The following KCNMA1 variants were observed in gnomAD, a reference collection of about 807,000 sequenced individuals.
The protein encoded by KCNMA1 is potassium calcium-activated channel subfamily M alpha 1.
In KCNMA1, 29 loss-of-function variants were observed where a neutral mutation model predicts 140.0. The ratio of observed to expected loss-of-function variants is 0.21; its 90% confidence interval spans 0.15 to 0.28. The LOEUF is 0.28. KCNMA1 is among the 10% of genes least tolerant of loss of function. The pLI, the probability that KCNMA1 is intolerant of heterozygous loss-of-function variation, is 1.00. For synonymous variants in KCNMA1, 612 were observed against 611.9 expected, an observed-to-expected ratio of 1.00 and a Z score of 0.00; for missense variants, 880 against 1,602.2, an observed-to-expected ratio of 0.55 and a Z score of 7.70.
intron 3 of KCNMA1, among the ~76,000 whole-genome samples, chr10:77,239,174 A>G (rs533102): frequency 1.3e-5 from 2 of 152,334 alleles, no homozygotes; most frequent in Non-Finnish European, 2.9e-5. Context: ...TACTCATGCT[A>G]TTATGAAGAG....
At chr10:76,982,967 G>A (rs928171059) in intron 19 of KCNMA1, among the ~76,000 whole-genome samples, 4 of 152,058 alleles carry the variant, frequency 2.6e-5, no homozygotes, top group Admixed American at 6.5e-5. Flanking sequence ...AAGGGGTCCC[G>A]TGAAACTCAC....
chr10:77,489,116 C>T (rs535936422), intron 1 of KCNMA1, among the ~76,000 whole-genome samples: 5 of 152,110 alleles, frequency 3.3e-5, no homozygotes, highest in East Asian at 1.9e-4. Context: ...GATCTCAGGG[C>T]GATGGGTAGA....
At chr10:76,909,915 A>G (rs780887652) in intron 25 of KCNMA1, 51 bp downstream of exon 25, 2 of 1,598,326 alleles carry the variant, frequency 1.3e-6, no homozygotes, top group Middle Eastern at 1.8e-4. Context: ...GAGGTGCTCT[A>G]TTGGCACATC....
intron 2 of KCNMA1, among the ~76,000 whole-genome samples, chr10:77,334,332 T>C (rs2087907747): frequency 6.6e-6 from 1 of 152,192 alleles, no homozygotes; most frequent in Non-Finnish European, 1.5e-5. Flanking sequence ...TGGAAGATGT[T>C]TTTGTTCTGT....
rs1369571781 is a variant in KCNMA1, at chr10:77,041,400, G to A, written c.1750-1763C>T. ...AGGATGGTCTCGATCTCCTGACCTC[G>A]TGATCCGCCCGCCTCGGCCTCCCAA... On this transcript the variant is annotated intron_variant, in intron 14 of 27. Transcript: ENST00000286628. Among the ~76,000 whole-genome samples, 4 of 5,258 alleles carry A rather than the reference G, an allele frequency of 7.6e-4. 2 individuals are homozygous for A. The highest frequency in any genetic ancestry group is 1.3e-3 in the Non-Finnish European group (4 of 2,992). 3.4% of individuals were successfully genotyped at this position (5,258 alleles called of 152,430 possible). A position where few individuals can be genotyped will look rare whatever the true frequency, so the allele number is the denominator to read the frequency against.
intron 1 of KCNMA1, among the ~76,000 whole-genome samples, chr10:77,461,863 T>A (rs963235940): frequency 2.6e-5 from 4 of 152,202 alleles, no homozygotes; most frequent in Non-Finnish European, 5.9e-5. Context: ...CCAGGGGACA[T>A]GTCCTGTTCA....
intron 3 of KCNMA1, among the ~76,000 whole-genome samples, chr10:77,224,464 C>T (rs1006819593): frequency 6.6e-6 from 1 of 152,218 alleles, no homozygotes; most frequent in Non-Finnish European, 1.5e-5. Context: ...AGTCTTTACA[C>T]TACAAGAAAG....
At chr10:77,555,771 A>C (rs1264172724) in intron 1 of KCNMA1, among the ~76,000 whole-genome samples, 1 of 152,134 alleles carries the variant, frequency 6.6e-6, no homozygotes, top group Non-Finnish European at 1.5e-5. Context: ...AGAGACCCAA[A>C]CTTAGCTCCT....
intron 5 of KCNMA1, among the ~76,000 whole-genome samples, chr10:77,142,811 C>T (rs997554506): frequency 1.3e-5 from 2 of 152,092 alleles, no homozygotes; most frequent in Non-Finnish European, 2.9e-5. Flanking sequence ...GTCTCCAAAA[C>T]TTGACACCCT....
At chr10:77,144,142 A>G (rs1467373963) in intron 5 of KCNMA1, among the ~76,000 whole-genome samples, 2 of 152,238 alleles carry the variant, frequency 1.3e-5, no homozygotes, top group Non-Finnish European at 1.5e-5. Context: ...AGCTTTATTC[A>G]AAATAAGCCA....
intron 1 of KCNMA1, among the ~76,000 whole-genome samples, chr10:77,562,562 C>G (rs1603636724): frequency 6.6e-6 from 1 of 152,134 alleles, no homozygotes; most frequent in Admixed American, 6.5e-5. Context: ...CTGTCCAGAT[C>G]TTTTTTTAAT....
intron 22 of KCNMA1, among the ~76,000 whole-genome samples, chr10:76,945,542 T>C (rs1281778343): frequency 6.6e-6 from 1 of 151,972 alleles, no homozygotes; most frequent in Non-Finnish European, 1.5e-5. Flanking sequence ...GCAAAAGAGA[T>C]ATGGAAAGGA....
chr10:76,932,326 A>G (rs921178710), intron 23 of KCNMA1, among the ~76,000 whole-genome samples: 15 of 152,236 alleles, frequency 9.9e-5, no homozygotes, highest in African/African-American at 3.4e-4. Flanking sequence ...TGGACAATAG[A>G]AAGTCCTGTA....
chr10:77,317,085 C>T (rs535731228), intron 2 of KCNMA1, among the ~76,000 whole-genome samples: 10 of 152,286 alleles, frequency 6.6e-5, no homozygotes, highest in Admixed American at 4.6e-4. Context: ...TATCACACAG[C>T]GTCACGTACC....
intron 1 of KCNMA1, among the ~76,000 whole-genome samples, chr10:77,487,850 A>G (rs2098479143): frequency 1.3e-5 from 2 of 152,176 alleles, no homozygotes. Context: ...TAAGAAATGC[A>G]AAGTTGTCCC....
chr10:77,426,002 C>CT (rs536056658), intron 1 of KCNMA1, among the ~76,000 whole-genome samples: 53 of 152,324 alleles, frequency 3.5e-4, no homozygotes, highest in Non-Finnish European at 7.1e-4. Context: ...CAAAGAGGGA[C>CT]TGTGTCGTCT....
chr10:77,567,103 G>A (rs554692493), intron 1 of KCNMA1, among the ~76,000 whole-genome samples: 3 of 152,284 alleles, frequency 2.0e-5, no homozygotes, highest in African/African-American at 7.2e-5. Flanking sequence ...TAGAAGAGCT[G>A]ACCAAGGAGA....
At chr10:77,212,149 A>T (rs1332791677) in intron 3 of KCNMA1, among the ~76,000 whole-genome samples, 1 of 152,214 alleles carries the variant, frequency 6.6e-6, no homozygotes. Flanking sequence ...ATGCACCTAC[A>T]TGCTCATTGC....
At chr10:77,125,076 T>C (rs967307385) in intron 5 of KCNMA1, among the ~76,000 whole-genome samples, 1 of 152,120 alleles carries the variant, frequency 6.6e-6, no homozygotes, top group Non-Finnish European at 1.5e-5. Context: ...TGGGGGTAAC[T>C]GCCCCCATGA....
Sources: gnomAD v4.1 joint callset for allele counts (sites outside exome capture counted in the v4.1 genomes callset) on GRCh38, gnomAD v4.1.1 for gene constraint, MANE v1.5 for transcripts, NCBI Gene and HGNC (gene_info 2026-07-23, HGNC 2026-07-21) for gene names.